The following FGFBP1 variants were observed in gnomAD, a reference collection of about 807,000 sequenced individuals.
The protein encoded by FGFBP1 is fibroblast growth factor-binding protein 1.
In FGFBP1, 12 loss-of-function variants were observed where a neutral mutation model predicts 14.6. The ratio of observed to expected loss-of-function variants is 0.82; its 90% CI spans 0.53 to 1.33. FGFBP1 has a LOEUF of 1.33. Ranked by LOEUF, FGFBP1 falls within the 40% of genes most tolerant of loss-of-function variation. The pLI is 0.00. For synonymous variants in FGFBP1, 117 were observed against 105.0 expected, an observed-to-expected ratio of 1.11 and a Z score of -0.70; for missense variants, 317 against 271.8, an observed-to-expected ratio of 1.17 and a Z score of -1.17.
intron 2 of FGFBP1, among the ~76,000 whole-genome samples, chr4:15,936,981 C>T (rs1021456551): frequency 5.3e-5 from 8 of 152,174 alleles, no homozygotes; most frequent in Admixed American, 2.6e-4. Context: ...ATATGCCCCC[C>T]ACCAGACTAG....
intron 2 of FGFBP1, among the ~76,000 whole-genome samples, chr4:15,937,578 A>T (rs1461779830): frequency 2.0e-5 from 3 of 152,238 alleles, no homozygotes; most frequent in Admixed American, 2.0e-4. Context: ...CAGTTTCTAT[A>T]TGACACCTCC....
chr4:15,937,311 T>C (rs1266618252), intron 2 of FGFBP1, among the ~76,000 whole-genome samples: 1 of 69,542 alleles, frequency 1.4e-5, no homozygotes, highest in Non-Finnish European at 2.9e-5. Context: ...GGTGGGGTTG[T>C]GGGGGTGGGG....
Position 15,935,933 on chromosome 4 carries a change from A to G in FGFBP1, c.700T>C (p.Cys234Arg). The G allele has an allele frequency of 6.3e-7, 1 of 1,588,758 alleles. No homozygotes were observed. The highest frequency in any genetic ancestry group is 1.7e-4 in the Middle Eastern group (1 of 5,914). Residue 234 changes from cysteine (C) to arginine (R), a missense_variant, in exon 3 of 3, where the codon TGC becomes CGC. Cys to Arg is a radical substitution (Grantham distance 180). Coordinates refer to ENST00000382333, the MANE Select transcript of FGFBP1 (RefSeq NM_005130.5). ...CCCGTTCTCTTTTGACCTCATTAGC[A>G]TGACGTGTCCTGCACTATGCTGAGG... ...FFLSIVQDTS[C>R]
In FGFBP1 at chr4:15,936,605, A is replaced by G. The variant is rs753634066; in HGVS notation, c.28T>C (p.Ser10Pro). MKICSLTLLSFLLLAAQVLL... is the reference protein window; with the variant it reads MKICSLTLLPFLLLAAQVLL... ...ACCTGAGCAGCCAGTAGGAGGAAGG[A>G]GAGCAGGGTGAGGCTACAGATCTTC... The change falls in exon 3 of 3, where the codon TCC becomes CCC. Residue 10 changes from serine (S) to proline (P), a missense_variant. Ser to Pro is a moderately conservative substitution (Grantham distance 74, BLOSUM62 -1). Coordinates refer to ENST00000382333, the MANE Select transcript of FGFBP1 (RefSeq NM_005130.5). 6.2e-7 allele frequency: 1 copy of G among 1,611,782 alleles called. No homozygotes were observed. Among genetic ancestry groups the G allele is most frequent in the Non-Finnish European group, 8.5e-7 (1 of 1,179,586 alleles).
rs749875851 is a variant in FGFBP1 at position 15,936,586 on chromosome 4, G to A, written c.47C>T (p.Ala16Val). The change falls in exon 3 of 3, where the codon GCT (alanine) becomes GTT (valine). Residue 16 changes from alanine (A) to valine (V), a missense_variant. Physicochemically the swap from Ala to Val is moderately conservative, Grantham distance 64 (BLOSUM62 0). Coordinates refer to ENST00000382333, the MANE Select transcript of FGFBP1 (RefSeq NM_005130.5). ...TTTCCCCTCCACCAGGAGCACCTGA[G>A]CAGCCAGTAGGAGGAAGGAGAGCAG... ...LTLLSFLLLA[A>V]QVLLVEGKKK... The A allele has an allele frequency of 1.9e-6, 3 of 1,612,990 alleles. No homozygotes were observed. The highest frequency in any genetic ancestry group is 2.5e-6 in the Non-Finnish European group (3 of 1,179,990).
Position 15,935,885 on chromosome 4 carries a change from C to A in FGFBP1, c.*43G>T. ...GCTTTAAAGTATACAGAGGGACTTA[C>A]GACATGACATCTCTTAAGGGAACCC... On this transcript the variant is annotated 3_prime_UTR_variant, in exon 3 of 3. Coordinates refer to ENST00000382333, the MANE Select transcript of FGFBP1 (RefSeq NM_005130.5). The A allele has an allele frequency of 7.5e-7, 1 of 1,333,432 alleles. No individual in the cohort carries two copies. The highest frequency in any genetic ancestry group is 1.0e-6 in the Non-Finnish European group (1 of 961,806). 82.6% of individuals were successfully genotyped at this position (1,333,432 alleles called of 1,614,324 possible).
rs530350356 is a variant in FGFBP1 at position 15,938,452 on chromosome 4, C to G, written c.-222G>C. Reference sequence around the variant, plus strand: ...CCCAGCCACGCCCCTCCGAGGGAGCCGGTTCCTGCAGGGAAAGTGCTGGAT... The same window carrying G: ...CCCAGCCACGCCCCTCCGAGGGAGCGGGTTCCTGCAGGGAAAGTGCTGGAT... On this transcript the variant is annotated 5_prime_UTR_variant, in exon 2 of 3. Transcript: ENST00000382333. The G allele has an allele frequency of 2.0e-5, 3 of 152,322 alleles. No individual in the cohort carries two copies. The East Asian group carries it at 5.8e-4, about 29-fold the overall frequency. 9.4% of individuals were successfully genotyped at this position (152,322 alleles called of 1,614,324 possible). A position where few individuals can be genotyped will look rare whatever the true frequency, so the allele number is the denominator to read the frequency against.
At chr4:15,936,777 G>C (rs1577692444) in intron 2 of FGFBP1, 125 bp from the exon 3 acceptor site, 2 of 600,126 alleles carry the variant, frequency 3.3e-6, no homozygotes, top group Non-Finnish European at 5.8e-6. Context: ...AACGCTTCTG[G>C]CTCCTGGAGT....
rs764222866 is a variant in FGFBP1, at chr4:15,936,396, G to C, written c.237C>G (p.Ile79Met). The C allele has an allele frequency of 5.6e-6, 9 of 1,614,212 alleles. 1 individual carries two copies. The South Asian group carries it at 8.8e-5, about 16-fold the overall frequency. Residue 79 changes from isoleucine (I) to methionine (M), a missense_variant, in exon 3 of 3, where the codon ATC (isoleucine) becomes ATG (methionine). Physicochemically the swap from Ile to Met is conservative, Grantham distance 10. Transcript: ENST00000382333. ...RWAATEQEEG[I>M]SLKVECTQLD... Reference sequence around the variant, plus strand: ...ATTGAGTGCACTCAACCTTGAGAGAGATGCCCTCCTCCTGCTCAGTAGCAG... The same window carrying C: ...ATTGAGTGCACTCAACCTTGAGAGACATGCCCTCCTCCTGCTCAGTAGCAG...
rs757775564 is a variant in FGFBP1, at chr4:15,936,315, G to T, written c.318C>A (p.Leu106=). The T allele has an allele frequency of 6.2e-7, 1 of 1,614,044 alleles. No homozygotes were observed. Among genetic ancestry groups the T allele is most frequent in the Non-Finnish European group, 8.5e-7 (1 of 1,180,040 alleles). Residue 106 remains leucine (L), a synonymous_variant, in exon 3 of 3, where the codon CTC becomes CTA. Coordinates refer to ENST00000382333, the MANE Select transcript of FGFBP1 (RefSeq NM_005130.5). ...GTTTCCAATAGACTCTCTCATCCTTGAGCTTTAGGCATGAGGTTGGATTGC... is the reference window on the plus strand; with the variant it reads ...GTTTCCAATAGACTCTCTCATCCTTTAGCTTTAGGCATGAGGTTGGATTGC... ...FAGNPTSCLK[L]KDERVYWKQV...
intron 2 of FGFBP1, among the ~76,000 whole-genome samples, chr4:15,936,941 C>T (rs1034955715): frequency 3.9e-5 from 6 of 152,196 alleles, no homozygotes; most frequent in Non-Finnish European, 8.8e-5. Flanking sequence ...TTCATTCACT[C>T]ATTCAACAAG....
At position 15,936,177 on chromosome 4, in the gene FGFBP1, G is replaced by A; in HGVS notation, c.456C>T (p.Ser152=). 6.2e-7 allele frequency: 1 copy of A among 1,614,144 alleles called. No individual in the cohort carries two copies. ...GCTTTGTGTTCCCAAATAGAGTGGAGCTGACTAGCTTAAGACTGGATTCTG... is the reference window on the plus strand; with the variant it reads ...GCTTTGTGTTCCCAAATAGAGTGGAACTGACTAGCTTAAGACTGGATTCTG... The part of the protein sequence containing the change: ...DFPESSLKLV[S]STLFGNTKPR... Residue 152 remains serine, a synonymous_variant, in exon 3 of 3, where the codon AGC becomes AGT. Transcript: ENST00000382333.
At chr4:15,936,673 G>T in intron 2 of FGFBP1, 21 bp from the exon 3 acceptor site, 2 of 1,463,550 alleles carry the variant, frequency 1.4e-6, no homozygotes, top group South Asian at 1.2e-5. Flanking sequence ...AAAGGCAAGT[G>T]AGTCAGTGGC....
chr4:15,938,044 G>A (rs974634358), intron 2 of FGFBP1, among the ~76,000 whole-genome samples: 7 of 152,220 alleles, frequency 4.6e-5, no homozygotes, highest in African/African-American at 1.7e-4. Context: ...TTAAGAAGGA[G>A]AAAGACAATC....
intron 2 of FGFBP1, among the ~76,000 whole-genome samples, chr4:15,937,333 G>A (rs868598024): frequency 6.6e-6 from 1 of 152,110 alleles, no homozygotes; most frequent in Non-Finnish European, 1.5e-5. Context: ...AGCTTTTTGT[G>A]GGGAAGTAAG....
In FGFBP1 at chr4:15,935,843, T is replaced by TG; in HGVS notation, c.*84dup. The TG allele has an allele frequency of 1.3e-6, 1 of 771,900 alleles. No individual in the cohort carries two copies. Among genetic ancestry groups the TG allele is most frequent in the Non-Finnish European group, 2.0e-6 (1 of 499,326 alleles). 47.8% of individuals were successfully genotyped at this position (771,900 alleles called of 1,614,324 possible). A position where few individuals can be genotyped will look rare whatever the true frequency, so the allele number is the denominator to read the frequency against. ...TCACTAAGCACAAAAGTTCATATTT[T>TG]GGGGGGACTGTAGAGAGCTTTAAAG... On this transcript the variant is annotated 3_prime_UTR_variant, in exon 3 of 3. Coordinates refer to ENST00000382333, the MANE Select transcript of FGFBP1 (RefSeq NM_005130.5).
Position 15,936,043 on chromosome 4 carries a change from C to T in FGFBP1, c.590G>A (p.Cys197Tyr), listed in dbSNP as rs779246341. 10 of 1,614,084 alleles carry T rather than the reference C, an allele frequency of 6.2e-6. No homozygotes were observed. Among genetic ancestry groups the T allele is most frequent in the Non-Finnish European group, 8.5e-7 (1 of 1,180,022 alleles). Residue 197 changes from cysteine (C) to tyrosine (Y), a missense_variant, in exon 3 of 3, where the codon TGT becomes TAT. Transcript: ENST00000382333. Reference protein sequence around the residue: ...TQTMATKAPECVEDPDMANQR... With the variant: ...TQTMATKAPEYVEDPDMANQR... ...GTTTGCCATATCTGGGTCCTCCACACACTCGGGAGCTTTGGTGGCCATGGT... is the reference window on the plus strand; with the variant it reads ...GTTTGCCATATCTGGGTCCTCCACATACTCGGGAGCTTTGGTGGCCATGGT...
Position 15,935,941 on chromosome 4 carries a change from T to C in FGFBP1, c.692A>G (p.Asp231Gly). Residue 231 changes from aspartate to glycine, a missense_variant, in exon 3 of 3, where the codon GAC becomes GGC. Physicochemically the swap from Asp to Gly is moderately conservative, Grantham distance 94. Transcript: ENST00000382333. The stretch of plus-strand genomic sequence containing the variant: ...CTTTTGACCTCATTAGCATGACGTG[T>C]CCTGCACTATGCTGAGGAAGAATGT... ...LCTFFLSIVQDTSC is the reference protein window; with the variant it reads ...LCTFFLSIVQGTSC 1 of 1,605,406 alleles carries C rather than the reference T, an allele frequency of 6.2e-7. No individual in the cohort carries two copies. Among genetic ancestry groups the C allele is most frequent in the Non-Finnish European group, 8.5e-7 (1 of 1,175,110 alleles).
At position 15,936,303 on chromosome 4, in the gene FGFBP1, T is replaced by A; in HGVS notation, c.330A>T (p.Arg110Ser). ...PTSCLKLKDE[R>S]VYWKQVARNL... ...TCCGGGCAACTTGTTTCCAATAGAC[T>A]CTCTCATCCTTGAGCTTTAGGCATG... is the stretch of plus-strand genomic sequence containing the variant. Residue 110 changes from arginine (R) to serine (S), a missense_variant, in exon 3 of 3, where the codon AGA (arginine) becomes AGT (serine). Arg to Ser is a moderately radical substitution (Grantham distance 110). Transcript: ENST00000382333. The A allele has an allele frequency of 1.9e-6, 3 of 1,614,158 alleles. No homozygotes were observed. The highest frequency in any genetic ancestry group is 2.5e-6 in the Non-Finnish European group (3 of 1,180,012).
Sources: gnomAD v4.1 joint callset for allele counts (sites outside exome capture counted in the v4.1 genomes callset) on GRCh38, gnomAD v4.1.1 for gene constraint, MANE v1.5 for transcripts, NCBI Gene and HGNC (gene_info 2026-07-23, HGNC 2026-07-21) for gene names.